ATF6: variants seen among roughly 807,000 people sequenced by gnomAD.
ATF6 encodes the protein activating transcription factor 6, also known as cyclic AMP-dependent transcription factor ATF-6 alpha.
Under a neutral mutation model 83.6 loss-of-function variants are expected in ATF6, and 53 were observed. That is an observed-to-expected ratio of 0.63 (90% CI 0.51 to 0.80). The LOEUF is 0.80. Ranked by LOEUF, ATF6 falls within the 30% of genes least tolerant of loss-of-function variation. ATF6 has a pLI of 0.00. For missense variants in ATF6, 744 were observed against 797.9 expected (o/e 0.93, Z 0.81); for synonymous variants, 288 against 285.8 (o/e 1.01, Z -0.08).
At chr1:161,880,500 T>C (rs1483537238) in intron 14 of ATF6, among the ~76,000 whole-genome samples, 1 of 152,132 alleles carries the variant, frequency 6.6e-6, no homozygotes, top group East Asian at 1.9e-4. Context: ...TACTACAAAT[T>C]AGTTTATAGT....
intron 15 of ATF6, among the ~76,000 whole-genome samples, chr1:161,930,704 A>G (rs1209879929): frequency 6.6e-6 from 1 of 152,192 alleles, no homozygotes; most frequent in African/African-American, 2.4e-5. Flanking sequence ...TTTTATCTCC[A>G]TGCCTTCAAG....
At chr1:161,818,898 G>C (rs1400873809) in intron 7 of ATF6, among the ~76,000 whole-genome samples, 1 of 152,182 alleles carries the variant, frequency 6.6e-6, no homozygotes, top group African/African-American at 2.4e-5. Context: ...CTTAGGAGAA[G>C]TTATCTTAGA....
chr1:161,774,510 T>C (rs1316329467), intron 1 of ATF6, among the ~76,000 whole-genome samples: 1 of 152,118 alleles, frequency 6.6e-6, no homozygotes, highest in Non-Finnish European at 1.5e-5. Context: ...TTAAGAACAG[T>C]GCAAAGAACT....
chr1:161,781,708 G>A (rs1389541749), intron 2 of ATF6, among the ~76,000 whole-genome samples: 1 of 152,118 alleles, frequency 6.6e-6, no homozygotes, highest in Middle Eastern at 3.2e-3. Context: ...CCTAGTTGTT[G>A]CTGCTGTGCT....
intron 9 of ATF6, among the ~76,000 whole-genome samples, chr1:161,831,223 T>C (rs1265354339): frequency 6.6e-6 from 1 of 152,098 alleles, no homozygotes; most frequent in Non-Finnish European, 1.5e-5. Flanking sequence ...ATCAGAGAAA[T>C]GCAAATCAAA....
chr1:161,921,268 G>T (rs1558026216), intron 15 of ATF6, among the ~76,000 whole-genome samples: 1 of 152,156 alleles, frequency 6.6e-6, no homozygotes, highest in Non-Finnish European at 1.5e-5. Context: ...TATTGCATGG[G>T]ATGCAGCCAG....
rs1004291633 is a variant in ATF6, at chr1:161,959,384, C to T, written c.*730C>T. On this transcript the variant is annotated 3_prime_UTR_variant, in exon 16 of 16. Coordinates refer to ENST00000367942, the MANE Select transcript of ATF6 (RefSeq NM_007348.4). ...GAGAGGAGATAGCTCCATTAATACACATGTTTAAAAGATGGAAAGTTCACG... is the reference window on the plus strand; with the variant it reads ...GAGAGGAGATAGCTCCATTAATACATATGTTTAAAAGATGGAAAGTTCACG... 6.6e-6 allele frequency: 1 copy of T among 152,204 alleles called. No individual in the cohort carries two copies. The highest frequency in any genetic ancestry group is 2.4e-5 in the African/African-American group (1 of 41,430). 9.4% of individuals were successfully genotyped at this position (152,204 alleles called of 1,614,324 possible). A position where few individuals can be genotyped will look rare whatever the true frequency, so the allele number is the denominator to read the frequency against.
At chr1:161,922,992 G>C (rs137999883) in intron 15 of ATF6, among the ~76,000 whole-genome samples, 1 of 152,022 alleles carries the variant, frequency 6.6e-6, no homozygotes, top group Non-Finnish European at 1.5e-5. Context: ...TCCATGTCTT[G>C]GATTACCTGT....
At chr1:161,815,184 ATTTT>A (rs34687938) in intron 7 of ATF6, among the ~76,000 whole-genome samples, 1 of 96,418 alleles carries the variant, frequency 1.0e-5, no homozygotes, top group Non-Finnish European at 1.9e-5. Flanking sequence ...TCCCATTTTA[ATTTT>A]TTTTTTTTTT....
intron 15 of ATF6, among the ~76,000 whole-genome samples, chr1:161,948,067 A>AC (rs562564881): frequency 1.4e-3 from 218 of 150,622 alleles, no homozygotes; most frequent in African/African-American, 3.9e-3. Flanking sequence ...CAAGTGATCC[A>AC]CCCCCCCGTC....
intron 12 of ATF6, 128 bp from the exon 13 acceptor site, chr1:161,860,079 G>T: frequency 2.0e-6 from 1 of 491,426 alleles, no homozygotes. Flanking sequence ...TTAATTATTT[G>T]AACTGAATAT....
At chr1:161,882,003 T>G (rs1371736188) in intron 14 of ATF6, among the ~76,000 whole-genome samples, 2 of 152,128 alleles carry the variant, frequency 1.3e-5, no homozygotes, top group Admixed American at 1.3e-4. Context: ...TATCCAGTAT[T>G]GTATGATATT....
chr1:161,826,801 T>C (rs956206592), intron 9 of ATF6, among the ~76,000 whole-genome samples: 2 of 152,160 alleles, frequency 1.3e-5, no homozygotes, highest in African/African-American at 4.8e-5. Flanking sequence ...AAATTTGGCA[T>C]GAACAGTGAA....
At chr1:161,784,498 C>T (rs932031069) in intron 4 of ATF6, among the ~76,000 whole-genome samples, 2 of 151,980 alleles carry the variant, frequency 1.3e-5, no homozygotes, top group African/African-American at 2.4e-5. Flanking sequence ...AGAATGATTG[C>T]CTTAGTTTGG....
intron 1 of ATF6, among the ~76,000 whole-genome samples, chr1:161,767,848 A>G (rs1394115890): frequency 6.6e-6 from 1 of 152,016 alleles, no homozygotes; most frequent in Non-Finnish European, 1.5e-5. Flanking sequence ...TTTTCATGAC[A>G]TTTCTTTTCT....
intron 9 of ATF6, among the ~76,000 whole-genome samples, chr1:161,842,440 A>G (rs1054870896): frequency 3.9e-5 from 6 of 152,248 alleles, no homozygotes; most frequent in African/African-American, 1.2e-4. Flanking sequence ...AAAATTTGCA[A>G]TTGCAAAAAT....
At chr1:161,902,672 T>A (rs1032681101) in intron 14 of ATF6, among the ~76,000 whole-genome samples, 5 of 152,226 alleles carry the variant, frequency 3.3e-5, no homozygotes. Flanking sequence ...ACATTATAAA[T>A]CGTTTGTGGT....
chr1:161,949,523 G>A (rs1366461379), intron 15 of ATF6, among the ~76,000 whole-genome samples: 1 of 152,158 alleles, frequency 6.6e-6, no homozygotes, highest in East Asian at 1.9e-4. Context: ...ACCTGAGGCT[G>A]GGTAATATAT....
chr1:161,942,418 G>C (rs922699234), intron 15 of ATF6, among the ~76,000 whole-genome samples: 3 of 152,196 alleles, frequency 2.0e-5, no homozygotes, highest in African/African-American at 7.2e-5. Context: ...GCTGTATTCA[G>C]AGGTGTGTGT....
Sources: gnomAD v4.1 joint callset for allele counts (sites outside exome capture counted in the v4.1 genomes callset) on GRCh38, gnomAD v4.1.1 for gene constraint, MANE v1.5 for transcripts, NCBI Gene and HGNC (gene_info 2026-07-23, HGNC 2026-07-21) for gene names.